SLK: variants seen among roughly 807,000 people sequenced by gnomAD.
SLK encodes STE20-like serine/threonine-protein kinase.
Under a neutral mutation model 147.7 loss-of-function variants are expected in SLK, and 67 were observed. The observed-to-expected ratio is 0.45, with a 90% CI of 0.37 to 0.56. SLK has a LOEUF of 0.56. Ranked by LOEUF, SLK falls within the 20% of genes least tolerant of loss-of-function variation. The probability of loss-of-function intolerance (pLI) is 0.00; values close to 1 mark genes in which losing one functional copy is unlikely to be tolerated. For synonymous variants in SLK, 441 were observed against 475.0 expected (o/e 0.93, Z 0.93); for missense variants, 1,136 against 1,438.8 (o/e 0.79, Z 3.41).
In SLK at chr10:103,992,573, CTT is replaced by C. The variant is rs35624310; in HGVS notation, c.316-10_316-9del. The C allele has an allele frequency of 0.084, 95,224 of 1,130,058 alleles. No individual in the cohort carries two copies. Among genetic ancestry groups the C allele is most frequent in the Admixed American group, 0.11 (2,925 of 27,320 alleles). The allele number at this position is 1,130,058 out of a possible 1,614,324, so 70.0% of individuals were successfully genotyped here. On this transcript the variant is annotated intron_variant, in intron 2 of 18. Transcript: ENST00000369755. Reference sequence around the variant, plus strand: ...AACTCCATGTAGTTTTAGACACACGCTTTTTTTTTTTTTTTTGCATGCAGATC... The same window carrying C: ...AACTCCATGTAGTTTTAGACACACGCTTTTTTTTTTTTTTGCATGCAGATC...
chr10:103,967,876 C>T lies in SLK; in HGVS notation c.131C>T (p.Ala44Val). The T allele has an allele frequency of 1.2e-6, 2 of 1,605,066 alleles. No individual in the cohort carries two copies. The highest frequency in any genetic ancestry group is 1.7e-6 in the Non-Finnish European group (2 of 1,176,236). The part of the protein sequence containing the change: ...WEIIGELGDG[A>V]FGKVYKAQNK... ...ATTATAGGAGAACTGGGCGACGGAG[C>T]CTTTGGGAAAGTGTACAAGGTAAGA... The change falls in exon 1 of 19, where the codon GCC becomes GTC. Residue 44 changes from alanine to valine, a missense_variant. Ala to Val is a moderately conservative substitution (Grantham distance 64, BLOSUM62 0). This residue lies in a region of SLK where 126 missense variants were observed against 141.3 expected (regional missense o/e 0.89). Coordinates refer to ENST00000369755, the MANE Select transcript of SLK (RefSeq NM_014720.4).
chr10:104,008,686 A>G (rs1165122281), intron 12 of SLK, among the ~76,000 whole-genome samples: 1 of 152,216 alleles, frequency 6.6e-6, no homozygotes, highest in African/African-American at 2.4e-5. Context: ...ATCCATCTTA[A>G]GGTCTACCAT....
In SLK at chr10:104,001,612, T is replaced by C. The variant is rs758917790; in HGVS notation, c.993+40T>C. On this transcript the variant is annotated intron_variant, in intron 8 of 18. Transcript: ENST00000369755. The stretch of plus-strand genomic sequence containing the variant: ...AAGAAATTTCATTTAGTGAATAGAG[T>C]TCGGTTTTGAGGTGTAGTTGCTCCT... 74 of 1,608,458 alleles carry C rather than the reference T, an allele frequency of 4.6e-5. No homozygotes were observed. In the East Asian group the frequency reaches 1.6e-3, roughly 35 times the overall value.
chr10:103,975,822 C>T (rs1843862723), intron 1 of SLK, among the ~76,000 whole-genome samples: 1 of 152,158 alleles, frequency 6.6e-6, no homozygotes, highest in Non-Finnish European at 1.5e-5. Flanking sequence ...CGCCTGTAAT[C>T]CCAGCACTTT....
intron 1 of SLK, among the ~76,000 whole-genome samples, chr10:103,970,295 A>G (rs747789968): frequency 1.2e-4 from 19 of 152,264 alleles, no homozygotes; most frequent in Non-Finnish European, 2.5e-4. Flanking sequence ...GTGTGGAGAT[A>G]CTAAAGCCCT....
chr10:104,008,504 T>G lies in SLK; in HGVS notation c.2784+148T>G, dbSNP rs980821065. On this transcript the variant is annotated intron_variant, in intron 12 of 18. Coordinates refer to ENST00000369755, the MANE Select transcript of SLK (RefSeq NM_014720.4). ...TCATTCGGTCTTCTCAACAGTCATA[T>G]AGAGTTGTCATAAGGTCAATCATTA... 4.9e-6 allele frequency: 3 copies of G among 617,218 alleles called. No homozygotes were observed. In the East Asian group the frequency reaches 8.6e-5, roughly 18 times the overall value. 38.2% of individuals were successfully genotyped at this position (617,218 alleles called of 1,614,324 possible). A position where few individuals can be genotyped will look rare whatever the true frequency, so the allele number is the denominator to read the frequency against.
intron 1 of SLK, among the ~76,000 whole-genome samples, chr10:103,973,490 T>C (rs1843821278): frequency 6.6e-6 from 1 of 152,262 alleles, no homozygotes. Flanking sequence ...TATGTACATT[T>C]TCCAGTTAGC....
rs1340214010 is a variant in SLK at position 104,021,729 on chromosome 10, A to T, written c.3557A>T (p.Lys1186Ile). The change falls in exon 18 of 19, where the codon AAA becomes ATA. Residue 1186 changes from lysine to isoleucine, a missense_variant. By Grantham distance (102) the Lys-to-Ile change is moderately radical (BLOSUM62 -3). Coordinates refer to ENST00000369755, the MANE Select transcript of SLK (RefSeq NM_014720.4). ...KEWREKLRPR[K>I]KTLEEEFARK... ...TGGAGAGAGAAATTGAGACCTAGGA[A>T]AAAGGTAATTTTAAAAGCTTTAATT... The T allele has an allele frequency of 1.9e-6, 3 of 1,544,044 alleles. No individual in the cohort carries two copies. Among genetic ancestry groups the T allele is most frequent in the Non-Finnish European group, 2.7e-6 (3 of 1,120,060 alleles).
At chr10:103,993,713 T>G (rs1443792145) in intron 4 of SLK, among the ~76,000 whole-genome samples, 1 of 152,148 alleles carries the variant, frequency 6.6e-6, no homozygotes, top group Non-Finnish European at 1.5e-5. Context: ...CTTATGAAAG[T>G]TATAGCGCTC....
At chr10:104,000,427 C>G (rs948283837) in intron 7 of SLK, among the ~76,000 whole-genome samples, 5 of 152,108 alleles carry the variant, frequency 3.3e-5, no homozygotes, top group African/African-American at 1.2e-4. Context: ...GAGGCAATTA[C>G]TGTTAGGTTA....
intron 15 of SLK, among the ~76,000 whole-genome samples, chr10:104,019,420 A>G (rs1844505467): frequency 6.6e-6 from 1 of 151,696 alleles, no homozygotes; most frequent in Non-Finnish European, 1.5e-5. Flanking sequence ...ATGCACCACC[A>G]CACCCTGCTA....
At chr10:103,991,662 T>C (rs1398566452) in intron 2 of SLK, among the ~76,000 whole-genome samples, 1 of 152,024 alleles carries the variant, frequency 6.6e-6, no homozygotes, top group Non-Finnish European at 1.5e-5. Flanking sequence ...CCCAAATTAT[T>C]TTCTGAATAA....
At chr10:104,020,645 T>A in intron 17 of SLK, 32 bp downstream of exon 17, 1 of 1,599,522 alleles carries the variant, frequency 6.3e-7, no homozygotes, top group Non-Finnish European at 8.5e-7. Flanking sequence ...GCAAAGCCCA[T>A]AGGATGCGGC....
intron 1 of SLK, among the ~76,000 whole-genome samples, chr10:103,982,468 A>C (rs1392254712): frequency 6.6e-6 from 1 of 152,258 alleles, no homozygotes; most frequent in East Asian, 1.9e-4. Context: ...GAACAATATA[A>C]ATAAAATAGA....
At chr10:103,979,065 G>C (rs548999555) in intron 1 of SLK, among the ~76,000 whole-genome samples, 1 of 152,218 alleles carries the variant, frequency 6.6e-6, no homozygotes, top group East Asian at 1.9e-4. Context: ...GCCCAGGCAG[G>C]AGTGCAGTGC....
intron 2 of SLK, among the ~76,000 whole-genome samples, chr10:103,991,504 A>T (rs1456635965): frequency 6.6e-6 from 1 of 152,052 alleles, no homozygotes. Context: ...TTTATGAGAG[A>T]GAAGAGTAAG....
At position 104,025,902 on chromosome 10, in the gene SLK, AAGAC is replaced by A. The variant is rs1488248027; in HGVS notation, c.*187_*190del. ...AGCAAAGATGAAGGGAAAACGAACT[AAGAC>A]AGACGCTAGGCCATGTTGGCAAAGT... On this transcript the variant is annotated 3_prime_UTR_variant, in exon 19 of 19. Transcript: ENST00000369755. 2.1e-5 allele frequency: 11 copies of A among 520,074 alleles called. No homozygotes were observed. The highest frequency in any genetic ancestry group is 3.6e-5 in the Admixed American group (1 of 27,502). 32.2% of individuals were successfully genotyped at this position (520,074 alleles called of 1,614,324 possible).
intron 15 of SLK, 96 bp from the exon 16 acceptor site, chr10:104,019,638 A>T: frequency 1.0e-6 from 1 of 958,752 alleles, no homozygotes; most frequent in Admixed American, 2.0e-5. Flanking sequence ...GAGGGTAATT[A>T]TAGGAAACAA....
intron 1 of SLK, among the ~76,000 whole-genome samples, chr10:103,990,226 C>T (rs1334478433): frequency 1.3e-5 from 2 of 152,114 alleles, no homozygotes; most frequent in Non-Finnish European, 2.9e-5. Flanking sequence ...ATTTTTAGGG[C>T]AGTGAAACTA....
Sources: gnomAD v4.1 joint callset for allele counts (sites outside exome capture counted in the v4.1 genomes callset) on GRCh38, gnomAD v4.1.1 for gene constraint, gnomAD v4.1.1 regional missense constraint, MANE v1.5 for transcripts, NCBI Gene and HGNC (gene_info 2026-07-23, HGNC 2026-07-21) for gene names.